Variants in PDXK observed in about 807,000 individuals in gnomAD.
PDXK encodes the protein epididymis secretory sperm binding protein Li 1a.
A neutral mutation model predicts 43.2 loss-of-function variants in PDXK; 15 were observed. The ratio of observed to expected loss-of-function variants is 0.35; its 90% CI spans 0.23 to 0.53. PDXK has a LOEUF of 0.53. Ranked by LOEUF, PDXK falls within the 20% of genes least tolerant of loss-of-function variation. PDXK has a pLI of 0.92. For missense variants in PDXK, 343 were observed against 417.0 expected, an observed-to-expected ratio of 0.82 and a Z score of 1.54; for synonymous variants, 172 against 165.4, an observed-to-expected ratio of 1.04 and a Z score of -0.31.
chr21:43,729,031 C>A (rs1297800665), intron 1 of PDXK: 2 of 985,260 alleles, frequency 2.0e-6, no homozygotes, highest in African/African-American at 1.7e-5. Context: ...CCCAATACGT[C>A]ACACGGATGA....
chr21:43,719,626 T>G, intron 1 of PDXK: 1 of 985,270 alleles, frequency 1.0e-6, no homozygotes, highest in Non-Finnish European at 1.2e-6. Flanking sequence ...GGTACGCGGG[T>G]AGGAGGGAGC....
At chr21:43,728,629 TG>T in intron 1 of PDXK, 1 of 746,806 alleles carries the variant, frequency 1.3e-6, no homozygotes, top group Non-Finnish European at 1.6e-6. Context: ...GTGAGCAGAG[TG>T]GGATGCTGCC....
intron 2 of PDXK, among the ~76,000 whole-genome samples, chr21:43,740,621 C>T (rs970289174): frequency 2.6e-5 from 4 of 151,912 alleles, no homozygotes; most frequent in Non-Finnish European, 5.9e-5. Flanking sequence ...GCAGGAAGGG[C>T]TCCCAGGAGG....
At position 43,756,145 on chromosome 21, in the gene PDXK, G is replaced by C. The variant is rs1168272402; in HGVS notation, c.*82G>C. 1 of 774,356 alleles carries C rather than the reference G, an allele frequency of 1.3e-6. No individual in the cohort carries two copies. The highest frequency in any genetic ancestry group is 2.7e-5 in the East Asian group (1 of 36,646). The allele number at this position is 774,356 out of a possible 1,614,324, so 48.0% of individuals were successfully genotyped here. On this transcript the variant is annotated 3_prime_UTR_variant, in exon 11 of 11. Coordinates refer to ENST00000291565, the MANE Select transcript of PDXK (RefSeq NM_003681.5). Reference sequence around the variant, plus strand: ...GTGAAAACATGTAACGTCTGCCTTAGAGCCATGACCGAAACTTGATATTTT... The same window carrying C: ...GTGAAAACATGTAACGTCTGCCTTACAGCCATGACCGAAACTTGATATTTT...
chr21:43,756,045 C>T lies in PDXK; in HGVS notation c.921C>T (p.Val307=). 6.2e-7 allele frequency: 1 copy of T among 1,609,292 alleles called. No individual in the cohort carries two copies. The highest frequency in any genetic ancestry group is 8.5e-7 in the Non-Finnish European group (1 of 1,177,466). The change falls in exon 11 of 11, where the codon GTC becomes GTT. Residue 307 remains valine (V), a synonymous_variant. Coordinates refer to ENST00000291565, the MANE Select transcript of PDXK (RefSeq NM_003681.5). The part of the protein sequence containing the change: ...KRDIEDPEIV[V]QATVL ...ACATCGAGGACCCAGAGATCGTCGT[C>T]CAGGCCACGGTGCTGTGAGGGCCCC... is the stretch of plus-strand genomic sequence containing the variant.
chr21:43,722,544 G>C (rs150642893), intron 1 of PDXK, among the ~76,000 whole-genome samples: 2,073 of 152,286 alleles, frequency 0.014, 39 homozygotes, highest in African/African-American at 0.045. Context: ...CACAAACCAG[G>C]TTGCTCATTG....
In PDXK at chr21:43,759,592, C is replaced by T. The variant is rs2083901944; in HGVS notation, c.*3529C>T. ...GTCTCATGGGCCTCCTTCACACACC[C>T]CTCCCTGTGGATCGCCTGCCTGGGC... is the stretch of plus-strand genomic sequence containing the variant. On this transcript the variant is annotated 3_prime_UTR_variant, in exon 11 of 11. Transcript: ENST00000291565. The T allele has an allele frequency of 6.5e-6, 1 of 153,912 alleles. No homozygotes were observed. Among genetic ancestry groups the T allele is most frequent in the African/African-American group, 2.4e-5 (1 of 41,456 alleles). 9.5% of individuals were successfully genotyped at this position (153,912 alleles called of 1,614,324 possible).
Position 43,728,581 on chromosome 21 carries a change from C to G in PDXK, c.88-5488C>G, listed in dbSNP as rs546329837. 465 of 351,880 alleles carry G rather than the reference C, an allele frequency of 1.3e-3. 2 individuals carry two copies. The highest frequency in any genetic ancestry group is 9.9e-3 in the African/African-American group (447 of 45,096). 21.8% of individuals were successfully genotyped at this position (351,880 alleles called of 1,614,324 possible). On this transcript the variant is annotated intron_variant, in intron 1 of 10. Coordinates refer to ENST00000291565, the MANE Select transcript of PDXK (RefSeq NM_003681.5). The stretch of plus-strand genomic sequence containing the variant: ...GAGGAGGATCAGCTGAGCCGCCGCG[C>G]TCACGTAGTGTCTGGCTGTCTGCCT...
At chr21:43,729,680 T>A (rs1421245095) in intron 1 of PDXK, among the ~76,000 whole-genome samples, 2 of 152,154 alleles carry the variant, frequency 1.3e-5, no homozygotes, top group Non-Finnish European at 2.9e-5. Flanking sequence ...GGCTCACGCC[T>A]TGTTATTGCA....
At chr21:43,743,832 C>T in intron 4 of PDXK, 25 bp downstream of exon 4, 1 of 1,565,180 alleles carries the variant, frequency 6.4e-7, no homozygotes, top group Non-Finnish European at 8.8e-7. Context: ...ACCCTCGGGT[C>T]TGGCTGTGTG....
At chr21:43,753,440 G>GC in intron 8 of PDXK, 143 bp from the exon 9 acceptor site, 2 of 683,112 alleles carry the variant, frequency 2.9e-6, no homozygotes, top group South Asian at 2.3e-5. Flanking sequence ...CATGCCCTGA[G>GC]CCCCCACGTC....
Position 43,758,498 on chromosome 21 carries a change from G to A in PDXK, c.*2435G>A, listed in dbSNP as rs1021408579. 1 of 153,552 alleles carries A rather than the reference G, an allele frequency of 6.5e-6. No homozygotes were observed. Among genetic ancestry groups the A allele is most frequent in the Non-Finnish European group, 1.5e-5 (1 of 68,078 alleles). 9.5% of individuals were successfully genotyped at this position (153,552 alleles called of 1,614,324 possible). On this transcript the variant is annotated 3_prime_UTR_variant, in exon 11 of 11. Coordinates refer to ENST00000291565, the MANE Select transcript of PDXK (RefSeq NM_003681.5). ...CCCAGACTGCCTGCTGTCAAACCAC[G>A]GAGCAGCTGGAGCCTGCCCTGTCCA...
At chr21:43,745,929 C>T (rs369837477) in intron 4 of PDXK, 150 bp from the exon 5 acceptor site, 25 of 679,430 alleles carry the variant, frequency 3.7e-5, no homozygotes, top group East Asian at 1.1e-4. Context: ...CCTGGAAGAT[C>T]GAGGTTGCAG....
intron 2 of PDXK, among the ~76,000 whole-genome samples, chr21:43,740,852 G>A (rs769146858): frequency 5.9e-5 from 9 of 151,420 alleles, no homozygotes; most frequent in South Asian, 2.1e-4. Flanking sequence ...GAGGAGTTGG[G>A]GGTGGGGACA....
intron 1 of PDXK, 87 bp from the exon 2 acceptor site, chr21:43,733,982 C>A (rs139484340): frequency 9.0e-6 from 12 of 1,337,676 alleles, no homozygotes; most frequent in Middle Eastern, 1.8e-4. Flanking sequence ...CTCATTTACT[C>A]CCCTCTTCTG....
intron 6 of PDXK, among the ~76,000 whole-genome samples, chr21:43,750,058 T>C (rs1018461393): frequency 1.3e-5 from 2 of 152,200 alleles, no homozygotes; most frequent in African/African-American, 4.8e-5. Flanking sequence ...GCCTGGACTC[T>C]TGGAGGCCTG....
intron 6 of PDXK, 63 bp downstream of exon 6, chr21:43,749,143 C>T (rs1020342951): frequency 9.5e-6 from 10 of 1,049,726 alleles, no homozygotes; most frequent in Non-Finnish European, 8.5e-6. Context: ...TCGCTCTTGT[C>T]ACCCAGGCTG....
At chr21:43,726,205 T>C (rs1434224607) in intron 1 of PDXK, among the ~76,000 whole-genome samples, 1 of 152,184 alleles carries the variant, frequency 6.6e-6, no homozygotes, top group African/African-American at 2.4e-5. Context: ...GTTTCTGTTA[T>C]TCTTGTTTGG....
At chr21:43,730,575 A>C (rs1374112564) in intron 1 of PDXK, among the ~76,000 whole-genome samples, 1 of 152,230 alleles carries the variant, frequency 6.6e-6, no homozygotes, top group Non-Finnish European at 1.5e-5. Context: ...ATAGACACAA[A>C]TAGCTGAGTA....
Sources: gnomAD v4.1 joint callset for allele counts (sites outside exome capture counted in the v4.1 genomes callset) on GRCh38, gnomAD v4.1.1 for gene constraint, MANE v1.5 for transcripts, NCBI Gene and HGNC (gene_info 2026-07-23, HGNC 2026-07-21) for gene names.